PCDH15: variants seen among roughly 807,000 people sequenced by gnomAD.
The protein encoded by PCDH15 is protocadherin related 15.
Under a neutral mutation model 178.5 loss-of-function variants are expected in PCDH15, and 129 were observed. The ratio of observed to expected loss-of-function variants is 0.72; its 90% CI spans 0.63 to 0.84. PCDH15 has a LOEUF of 0.84. Ranked by LOEUF, PCDH15 falls within the 40% of genes least tolerant of loss-of-function variation. The pLI is 0.00. For synonymous variants in PCDH15, 800 were observed against 732.0 expected, an observed-to-expected ratio of 1.09 and a Z score of -1.50; for missense variants, 2,230 against 2,099.9, an observed-to-expected ratio of 1.06 and a Z score of -1.21.
chr10:54,600,094 G>A, intron 2 of PCDH15: 2 of 1,043,520 alleles, frequency 1.9e-6, no homozygotes, highest in Admixed American at 4.1e-5. Flanking sequence ...ATAGAAGGTA[G>A]AGAAAAAGGA....
chr10:53,869,661 G>A (rs10825137), intron 26 of PCDH15, among the ~76,000 whole-genome samples: 51,115 of 151,750 alleles, frequency 0.34, 10,440 homozygotes, highest in Middle Eastern at 0.56. Context: ...AACAAAACAA[G>A]CCAGGCATGG....
rs569868606 is a variant in PCDH15 at position 54,949,650 on chromosome 10, A to T, written c.-79-52150T>A. ...GCTTCCCTTTAAGTTGCAATTCCAA[A>T]CCATCTATTTGTGAATGCATACAAC... On this transcript the variant is annotated intron_variant, in intron 2 of 5. Transcript: ENST00000458638. 3.9e-5 allele frequency among the ~76,000 whole-genome samples: 6 copies of T among 152,090 alleles called. No homozygotes were observed. The South Asian group carries it at 1.2e-3, about 32-fold the overall frequency.
intron 4 of PCDH15, among the ~76,000 whole-genome samples, chr10:54,370,722 T>C (rs1003979652): frequency 1.3e-5 from 2 of 151,506 alleles, no homozygotes; most frequent in African/African-American, 2.4e-5. Context: ...TACATACATA[T>C]CCTATTTTAT....
chr10:54,412,489 A>T (rs373913467), intron 3 of PCDH15, among the ~76,000 whole-genome samples: 2 of 152,130 alleles, frequency 1.3e-5, no homozygotes, highest in Admixed American at 6.5e-5. Context: ...TGACCAAGAC[A>T]TCTCTGTTCT....
At chr10:55,189,405 C>T (rs1839883035) in intron 1 of PCDH15, among the ~76,000 whole-genome samples, 1 of 151,866 alleles carries the variant, frequency 6.6e-6, no homozygotes, top group African/African-American at 2.4e-5. Flanking sequence ...TTCTCTCTTT[C>T]ATCATTTGCT....
intron 3 of PCDH15, among the ~76,000 whole-genome samples, chr10:54,389,448 A>C (rs1950280319): frequency 6.6e-6 from 1 of 152,230 alleles, no homozygotes; most frequent in African/African-American, 2.4e-5. Flanking sequence ...AGGAGGGTAG[A>C]GCCGTCTAGT....
chr10:55,621,328 C>A (rs1843586877), intron 2 of PCDH15, among the ~76,000 whole-genome samples: 2 of 152,022 alleles, frequency 1.3e-5, no homozygotes, highest in Non-Finnish European at 2.9e-5. Context: ...ATTAATTATT[C>A]AAAAAAGTCT....
intron 1 of PCDH15, among the ~76,000 whole-genome samples, chr10:55,287,105 AT>A (rs1842891147): frequency 6.6e-6 from 1 of 152,002 alleles, no homozygotes; most frequent in Non-Finnish European, 1.5e-5. Context: ...AATATCTTAA[AT>A]ATTCACAATA....
intron 37 of PCDH15, chr10:53,809,568 T>G: frequency 6.2e-7 from 1 of 1,601,270 alleles, no homozygotes; most frequent in South Asian, 1.1e-5. Context: ...GAAAATGCAA[T>G]TGAAGTGTCA....
chr10:54,395,647 C>G (rs1951114178), intron 3 of PCDH15, among the ~76,000 whole-genome samples: 1 of 151,500 alleles, frequency 6.6e-6, no homozygotes, highest in South Asian at 2.1e-4. Context: ...TATACACACA[C>G]AAACATGCAC....
At chr10:54,107,618 T>C (rs965557349) in intron 15 of PCDH15, among the ~76,000 whole-genome samples, 5 of 152,100 alleles carry the variant, frequency 3.3e-5, no homozygotes, top group African/African-American at 1.2e-4. Context: ...GCAAGAATTG[T>C]TAAGAGTCTA....
chr10:55,525,370 G>A (rs1841281062), intron 2 of PCDH15, among the ~76,000 whole-genome samples: 3 of 151,688 alleles, frequency 2.0e-5, no homozygotes, highest in Admixed American at 2.0e-4. Context: ...TCATTCCCTA[G>A]GTAAGTTATT....
chr10:55,421,556 C>G (rs1206126766), intron 2 of PCDH15, among the ~76,000 whole-genome samples: 1 of 149,054 alleles, frequency 6.7e-6, no homozygotes, highest in Non-Finnish European at 1.5e-5. Flanking sequence ...ATCTGGAATT[C>G]AAATATTAAA....
chr10:53,837,071 A>C (rs574136205), intron 29 of PCDH15, among the ~76,000 whole-genome samples: 281 of 152,192 alleles, frequency 1.8e-3, no homozygotes, highest in Non-Finnish European at 3.4e-3. Flanking sequence ...TTCACACTAA[A>C]ATACAAAGAA....
chr10:54,624,164 C>A, intron 2 of PCDH15, among the ~76,000 whole-genome samples: 1 of 151,908 alleles, frequency 6.6e-6, no homozygotes, highest in African/African-American at 2.4e-5. Flanking sequence ...TACTTATACA[C>A]GTGTTTGGCT....
chr10:54,511,882 T>C (rs2081706304), intron 3 of PCDH15, among the ~76,000 whole-genome samples: 1 of 152,128 alleles, frequency 6.6e-6, no homozygotes, highest in African/African-American at 2.4e-5. Context: ...TATTTTTTTT[T>C]CTTTGGGGGA....
At chr10:53,937,798 C>T (rs947496307) in intron 25 of PCDH15, among the ~76,000 whole-genome samples, 9 of 152,096 alleles carry the variant, frequency 5.9e-5, no homozygotes, top group African/African-American at 2.2e-4. Flanking sequence ...TCTCACACTG[C>T]CTGGGTTCTT....
At chr10:55,173,092 T>C (rs11812684) in intron 1 of PCDH15, among the ~76,000 whole-genome samples, 19,754 of 151,844 alleles carry the variant, frequency 0.13, 1,558 homozygotes, top group Non-Finnish European at 0.17. Flanking sequence ...GCTGGGGACA[T>C]GTATCAATTC....
intron 2 of PCDH15, among the ~76,000 whole-genome samples, chr10:55,034,465 AT>A (rs1012631206): frequency 6.6e-5 from 10 of 152,234 alleles, no homozygotes; most frequent in African/African-American, 1.9e-4. Flanking sequence ...ACTTTGGCAT[AT>A]TTTTTTGTTT....
Sources: gnomAD v4.1 joint callset for allele counts (sites outside exome capture counted in the v4.1 genomes callset) on GRCh38, gnomAD v4.1.1 for gene constraint, MANE v1.5 for transcripts, NCBI Gene and HGNC (gene_info 2026-07-23, HGNC 2026-07-21) for gene names.